WSCD2: variants seen among roughly 807,000 people sequenced by gnomAD.
The protein encoded by WSCD2 is sialate:O-sulfotransferase 2.
In WSCD2, 28 loss-of-function variants were observed where a neutral mutation model predicts 55.7. The ratio of observed to expected loss-of-function variants is 0.50; its 90% confidence interval spans 0.37 to 0.69. WSCD2 has a LOEUF of 0.69. Ranked by LOEUF, WSCD2 falls within the 30% of genes least tolerant of loss-of-function variation. The probability of loss-of-function intolerance (pLI) is 0.00; values close to 1 mark genes in which losing one functional copy is unlikely to be tolerated. For synonymous variants in WSCD2, 301 were observed against 301.9 expected, an observed-to-expected ratio of 1.00 and a Z score of 0.03; for missense variants, 616 against 762.1, an observed-to-expected ratio of 0.81 and a Z score of 2.26.
Position 108,195,975 on chromosome 12 carries a change from A to G in WSCD2, c.143A>G (p.Asn48Ser). 6.2e-7 allele frequency: 1 copy of G among 1,614,204 alleles called. No homozygotes were observed. The highest frequency in any genetic ancestry group is 8.5e-7 in the Non-Finnish European group (1 of 1,180,024). The change falls in exon 2 of 9, where the codon AAC (asparagine) becomes AGC (serine). Residue 48 changes from asparagine to serine, a missense_variant. Asn to Ser is a conservative substitution (Grantham distance 46). This residue lies in a region of WSCD2 where 374 missense variants were observed against 467.4 expected (regional missense o/e 0.80). Coordinates refer to ENST00000547525, the MANE Select transcript of WSCD2 (RefSeq NM_014653.4). ...GFVGQPAVSG[N>S]QANPAAAGGP... is the part of the protein sequence containing the mutation. ...GTGGGCCAGCCCGCTGTCTCGGGGA[A>G]CCAGGCGAACCCCGCTGCTGCAGGA... is the stretch of plus-strand genomic sequence containing the variant.
intron 1 of WSCD2, among the ~76,000 whole-genome samples, chr12:108,135,347 T>C (rs1046009241): frequency 6.6e-6 from 1 of 152,260 alleles, no homozygotes; most frequent in Non-Finnish European, 1.5e-5. Context: ...ACCTGGGTTA[T>C]GGAGGCAGAT....
chr12:108,227,256 C>T (rs935531560), intron 6 of WSCD2, 92 bp downstream of exon 6: 1 of 1,448,768 alleles, frequency 6.9e-7, no homozygotes, highest in Non-Finnish European at 9.3e-7. Flanking sequence ...ACACAGCCTG[C>T]AGCAAGGAGA....
intron 1 of WSCD2, among the ~76,000 whole-genome samples, chr12:108,161,900 C>A (rs1333759676): frequency 2.6e-5 from 4 of 152,188 alleles, no homozygotes; most frequent in Non-Finnish European, 4.4e-5. Flanking sequence ...AAAAGCTCCA[C>A]CTGATCAGAA....
At chr12:108,232,359 C>T (rs1268916471) in intron 6 of WSCD2, among the ~76,000 whole-genome samples, 3 of 152,006 alleles carry the variant, frequency 2.0e-5, no homozygotes, top group Admixed American at 6.6e-5. Flanking sequence ...TTGACGGTTT[C>T]GATCTGGAGG....
At chr12:108,232,167 G>C (rs1888826091) in intron 6 of WSCD2, among the ~76,000 whole-genome samples, 1 of 152,190 alleles carries the variant, frequency 6.6e-6, no homozygotes, top group African/African-American at 2.4e-5. Context: ...TGGAGGCCAA[G>C]ATAAGAACCC....
chr12:108,137,996 T>C (rs1876395931), intron 1 of WSCD2, among the ~76,000 whole-genome samples: 1 of 152,208 alleles, frequency 6.6e-6, no homozygotes, highest in South Asian at 2.1e-4. Flanking sequence ...TCAGCCTCAG[T>C]GGCATCCGCT....
Position 108,210,007 on chromosome 12 carries a change from C to T in WSCD2, c.498-114C>T, listed in dbSNP as rs1885918200. On this transcript the variant is annotated intron_variant, in intron 3 of 8. Transcript: ENST00000547525. The surrounding 1 kb of genome is among the most constrained non-coding windows in gnomAD (Gnocchi z 4.3). ...TCCCATCAGCAGTCTCCCCATTTCCCCTGGGATCTCCTGGTCCCCAGAGCC... is the reference window on the plus strand; with the variant it reads ...TCCCATCAGCAGTCTCCCCATTTCCTCTGGGATCTCCTGGTCCCCAGAGCC... 7.1e-7 allele frequency: 1 copy of T among 1,413,034 alleles called. No homozygotes were observed. 87.5% of individuals were successfully genotyped at this position (1,413,034 alleles called of 1,614,324 possible).
chr12:108,184,133 T>C (rs1025218275), intron 1 of WSCD2, among the ~76,000 whole-genome samples: 1 of 152,230 alleles, frequency 6.6e-6, no homozygotes, highest in African/African-American at 2.4e-5. Flanking sequence ...GAAGCTGACC[T>C]GGAGGTTATG....
At chr12:108,177,458 C>T (rs1881037142) in intron 1 of WSCD2, among the ~76,000 whole-genome samples, 1 of 152,182 alleles carries the variant, frequency 6.6e-6, no homozygotes, top group Non-Finnish European at 1.5e-5. Context: ...CTGCCTCCTA[C>T]ACCCTAGCTG....
intron 1 of WSCD2, among the ~76,000 whole-genome samples, chr12:108,163,640 C>T (rs545759852): frequency 3.9e-5 from 6 of 152,156 alleles, no homozygotes; most frequent in South Asian, 4.2e-4. Context: ...AGGGAAGATC[C>T]GAGTCAGTAG....
chr12:108,231,938 A>C (rs1479561952), intron 6 of WSCD2, among the ~76,000 whole-genome samples: 1 of 152,208 alleles, frequency 6.6e-6, no homozygotes, highest in African/African-American at 2.4e-5. Context: ...GAAGGAAGGA[A>C]GGACAGACGG....
At chr12:108,188,336 C>T (rs549502651) in intron 1 of WSCD2, among the ~76,000 whole-genome samples, 1 of 152,068 alleles carries the variant, frequency 6.6e-6, no homozygotes, top group South Asian at 2.1e-4. Context: ...GTACATGCTT[C>T]CTGGTCAAAA....
Position 108,210,191 on chromosome 12 carries a change from G to A in WSCD2, c.568G>A (p.Val190Met), listed in dbSNP as rs368726337. The stretch of plus-strand genomic sequence containing the variant: ...CGGCCACAAGATCCAGGCGACGAAC[G>A]TGAGCGAGGCAGAGTGCGACATGGA... ...YCGHKIQATN[V>M]SEAECDMECK... Residue 190 changes from valine (V) to methionine (M), a missense_variant, in exon 4 of 9, where the codon GTG (valine) becomes ATG (methionine). By Grantham distance (21) the Val-to-Met change is conservative (BLOSUM62 1). Transcript: ENST00000547525. This position sits in a 1 kb window ranked among gnomAD's most constrained non-coding sequence, Gnocchi z 4.3. 14 of 1,614,082 alleles carry A rather than the reference G, an allele frequency of 8.7e-6. No individual in the cohort carries two copies. The highest frequency in any genetic ancestry group is 2.7e-5 in the African/African-American group (2 of 75,050).
intron 4 of WSCD2, among the ~76,000 whole-genome samples, chr12:108,218,690 G>T (rs575628278): frequency 1.4e-4 from 22 of 152,326 alleles, no homozygotes; most frequent in Admixed American, 2.6e-4. Flanking sequence ...TGAGGGTGAA[G>T]GACCCCAAAG....
chr12:108,222,256 CTTGCT>C lies in WSCD2; in HGVS notation c.683-2475_683-2471del, dbSNP rs553524578. Among the ~76,000 whole-genome samples, 22 of 152,326 alleles carry C rather than the reference CTTGCT, an allele frequency of 1.4e-4. No homozygotes were observed. The South Asian group carries it at 4.4e-3, about 30-fold the overall frequency. On this transcript the variant is annotated intron_variant, in intron 4 of 8. Transcript: ENST00000547525. ...AGAGAGAGACATATGGTTTCTGCAA[CTTGCT>C]TTGCTTTTTTCCAAAGGCTAACACT...
intron 1 of WSCD2, among the ~76,000 whole-genome samples, chr12:108,191,662 G>C (rs1883181170): frequency 6.6e-6 from 1 of 152,164 alleles, no homozygotes. Flanking sequence ...TTCTCTACCA[G>C]TGTTTCTTGG....
At chr12:108,171,595 CCTT>C (rs1254687712) in intron 1 of WSCD2, 3 of 152,090 alleles carry the variant, frequency 2.0e-5, no homozygotes, top group African/African-American at 2.4e-5. Context: ...TTCACTTGTT[CCTT>C]CTTCATTTTT....
At position 108,157,210 on chromosome 12, in the gene WSCD2, C is replaced by G. The variant is rs75716447; in HGVS notation, c.-552+27284C>G. On this transcript the variant is annotated intron_variant, in intron 1 of 8. Coordinates refer to ENST00000547525, the MANE Select transcript of WSCD2 (RefSeq NM_014653.4). ...TTCAGTTTACAGAAAAATTGAGTAG[C>G]AAAGTACAGAGAGTTCCTCCATATA... is the stretch of plus-strand genomic sequence containing the variant. Among the ~76,000 whole-genome samples the G allele has an allele frequency of 7.0e-3, 1,066 of 152,328 alleles. 11 individuals are homozygous for G. Among genetic ancestry groups the G allele is most frequent in the African/African-American group, 0.023 (957 of 41,576 alleles).
intron 1 of WSCD2, among the ~76,000 whole-genome samples, chr12:108,153,394 C>T (rs1249565201): frequency 6.6e-6 from 1 of 152,220 alleles, no homozygotes; most frequent in Non-Finnish European, 1.5e-5. Context: ...TAGACTCAGC[C>T]TCCACCACTG....
Sources: gnomAD v4.1 joint callset for allele counts (sites outside exome capture counted in the v4.1 genomes callset) on GRCh38, gnomAD v4.1.1 for gene constraint, gnomAD v4.1.1 regional missense constraint, Gnocchi (gnomAD v3.1) non-coding constraint, MANE v1.5 for transcripts, NCBI Gene and HGNC (gene_info 2026-07-23, HGNC 2026-07-21) for gene names.